ZNF431: variants seen among roughly 807,000 people sequenced by gnomAD.
The protein encoded by ZNF431 is zinc finger protein 431.
ZNF431 carries 34 observed loss-of-function variants against 57.0 expected under a neutral mutation model. The ratio of observed to expected loss-of-function variants is 0.60; its 90% confidence interval spans 0.45 to 0.79. The LOEUF is 0.79. ZNF431 is among the 30% of genes least tolerant of loss of function. The pLI, the probability that ZNF431 is intolerant of heterozygous loss-of-function variation, is 0.00. For missense variants in ZNF431, 607 were observed against 667.1 expected, an observed-to-expected ratio of 0.91 and a Z score of 0.99; for synonymous variants, 207 against 220.3, an observed-to-expected ratio of 0.94 and a Z score of 0.54.
intron 4 of ZNF431, among the ~76,000 whole-genome samples, chr19:21,170,308 A>G (rs1225376155): frequency 6.6e-6 from 1 of 152,172 alleles, no homozygotes; most frequent in Non-Finnish European, 1.5e-5. Context: ...TCATGAAGGC[A>G]TTTTTTGTCA....
At chr19:21,179,137 G>A (rs769737741) in intron 4 of ZNF431, among the ~76,000 whole-genome samples, 4 of 152,124 alleles carry the variant, frequency 2.6e-5, no homozygotes, top group Non-Finnish European at 5.9e-5. Context: ...TCTTCTAGAT[G>A]TTCCAGTTTA....
At position 21,186,883 on chromosome 19, in the gene ZNF431, G is replaced by T. The variant is rs973805753; in HGVS notation, c.*2849G>T. On this transcript the variant is annotated 3_prime_UTR_variant, in exon 5 of 5. Coordinates refer to ENST00000311048, the MANE Select transcript of ZNF431 (RefSeq NM_133473.4). The stretch of plus-strand genomic sequence containing the variant: ...CTTTTAAGAGGAGAACAATATATAG[G>T]TTTTCTTTAGTGATTTGTTCCTTTC... 2.6e-5 allele frequency: 4 copies of T among 152,018 alleles called. No individual in the cohort carries two copies. The highest frequency in any genetic ancestry group is 9.7e-5 in the African/African-American group (4 of 41,392). The allele number at this position is 152,018 out of a possible 1,614,324, so 9.4% of individuals were successfully genotyped here. A position where few individuals can be genotyped will look rare whatever the true frequency, so the allele number is the denominator to read the frequency against.
At chr19:21,164,193 C>CT (rs1418711011) in intron 2 of ZNF431, among the ~76,000 whole-genome samples, 2 of 151,834 alleles carry the variant, frequency 1.3e-5, no homozygotes, top group African/African-American at 4.8e-5. Flanking sequence ...TCATGTGACT[C>CT]TAAGCTGAGG....
intron 2 of ZNF431, among the ~76,000 whole-genome samples, chr19:21,163,274 C>T (rs1970626026): frequency 6.6e-6 from 1 of 152,164 alleles, no homozygotes; most frequent in South Asian, 2.1e-4. Flanking sequence ...CTTTAAAGAG[C>T]CAGCAAAGAA....
At chr19:21,158,096 C>G (rs182336662) in intron 2 of ZNF431, among the ~76,000 whole-genome samples, 245 of 152,234 alleles carry the variant, frequency 1.6e-3, no homozygotes, top group African/African-American at 5.5e-3. Context: ...ATACAAATAG[C>G]ATTAAATTGG....
rs369821323 is a variant in ZNF431, at chr19:21,189,613, T to C, written c.*5579T>C. 1.6e-5 allele frequency: 5 copies of C among 318,864 alleles called. No homozygotes were observed. In the East Asian group the frequency reaches 2.4e-4, roughly 15 times the overall value. 19.8% of individuals were successfully genotyped at this position (318,864 alleles called of 1,614,324 possible). Reference sequence around the variant, plus strand: ...TGTTGTGCAATAAATCTCTTGAACTTATTTCTTCCATTTGACTATAATTAT... The same window carrying C: ...TGTTGTGCAATAAATCTCTTGAACTCATTTCTTCCATTTGACTATAATTAT... On this transcript the variant is annotated 3_prime_UTR_variant, in exon 5 of 5. Coordinates refer to ENST00000311048, the MANE Select transcript of ZNF431 (RefSeq NM_133473.4).
chr19:21,183,038 A>G lies in ZNF431; in HGVS notation c.735A>G (p.Ser245=). 6.2e-7 allele frequency: 1 copy of G among 1,614,058 alleles called. No homozygotes were observed. Among genetic ancestry groups the G allele is most frequent in the Non-Finnish European group, 8.5e-7 (1 of 1,179,942 alleles). Residue 245 remains serine, a synonymous_variant, in exon 5 of 5, where the codon TCA becomes TCG. Coordinates refer to ENST00000311048, the MANE Select transcript of ZNF431 (RefSeq NM_133473.4). ...GTGGCAAAGCTTTTAAATGGTTCTC[A>G]ACCCTTACTAGACACAAGAGAATTC... The part of the protein sequence containing the change: ...EECGKAFKWF[S]TLTRHKRIHT...
Position 21,182,740 on chromosome 19 carries a change from A to G in ZNF431, c.437A>G (p.Lys146Arg). Residue 146 changes from lysine (K) to arginine (R), a missense_variant, in exon 5 of 5, where the codon AAA becomes AGA. Lys to Arg is a conservative substitution (Grantham distance 26). Coordinates refer to ENST00000311048, the MANE Select transcript of ZNF431 (RefSeq NM_133473.4). ...KCEHENLQLR[K>R]GSASVDEYKV... is the part of the protein sequence containing the mutation. ...GAACATGAGAATTTACAGTTAAGAA[A>G]AGGCTCCGCAAGTGTAGATGAGTAT... 1 of 1,613,950 alleles carries G rather than the reference A, an allele frequency of 6.2e-7. No homozygotes were observed. The highest frequency in any genetic ancestry group is 8.5e-7 in the Non-Finnish European group (1 of 1,179,878).
rs183597919 is a variant in ZNF431, at chr19:21,184,517, A to G, written c.*483A>G. On this transcript the variant is annotated 3_prime_UTR_variant, in exon 5 of 5. Transcript: ENST00000311048. ...AACGCCTCAAACTTTTCTAACCATAAAAGTAATTATACTGGTGAGAAATCC... is the reference window on the plus strand; with the variant it reads ...AACGCCTCAAACTTTTCTAACCATAGAAGTAATTATACTGGTGAGAAATCC... The G allele has an allele frequency of 6.5e-6, 1 of 154,580 alleles. No homozygotes were observed. The highest frequency in any genetic ancestry group is 1.4e-5 in the Non-Finnish European group (1 of 68,984). The allele number at this position is 154,580 out of a possible 1,614,324, so 9.6% of individuals were successfully genotyped here.
At chr19:21,162,719 G>GA in intron 2 of ZNF431, 1 of 985,390 alleles carries the variant, frequency 1.0e-6, no homozygotes, top group Non-Finnish European at 1.2e-6. Context: ...TGCCTTTCTA[G>GA]AGCTGGTGCT....
intron 2 of ZNF431, among the ~76,000 whole-genome samples, chr19:21,165,774 C>G (rs1259951304): frequency 6.6e-6 from 1 of 151,734 alleles, no homozygotes; most frequent in Admixed American, 6.6e-5. Context: ...ACTTTGTTTA[C>G]AAGCCAGAAA....
chr19:21,142,316 A>G, intron 1 of ZNF431, 130 bp downstream of exon 1: 1 of 1,332,440 alleles, frequency 7.5e-7, no homozygotes, highest in Non-Finnish European at 1.1e-6. Context: ...CTCCTTGCCC[A>G]GCTCGGCCTC....
intron 1 of ZNF431, among the ~76,000 whole-genome samples, 200 bp from the exon 2 acceptor site, chr19:21,143,351 G>A (rs1439254484): frequency 6.6e-6 from 1 of 152,030 alleles, no homozygotes; most frequent in Non-Finnish European, 1.5e-5. Context: ...TCTTCTCTAG[G>A]CACAGAGATC....
intron 2 of ZNF431, among the ~76,000 whole-genome samples, chr19:21,157,311 T>C (rs1011549749): frequency 6.6e-6 from 1 of 151,980 alleles, no homozygotes; most frequent in African/African-American, 2.4e-5. Context: ...CTAATTTTTG[T>C]ATTTTTAGTA....
In ZNF431 at chr19:21,190,114, A is replaced by C. The variant is rs1971476848; in HGVS notation, c.*6080A>C. On this transcript the variant is annotated 3_prime_UTR_variant, in exon 5 of 5. Transcript: ENST00000311048. ...AACCACAGATGCAGAGGTTGCAGTGAACTGAGATCATGCCACTGCACTCCA... is the reference window on the plus strand; with the variant it reads ...AACCACAGATGCAGAGGTTGCAGTGCACTGAGATCATGCCACTGCACTCCA... 5.3e-6 allele frequency: 2 copies of C among 374,084 alleles called. No individual in the cohort carries two copies. The highest frequency in any genetic ancestry group is 9.5e-6 in the Non-Finnish European group (2 of 211,328). The allele number at this position is 374,084 out of a possible 1,614,324, so 23.2% of individuals were successfully genotyped here. A position where few individuals can be genotyped will look rare whatever the true frequency, so the allele number is the denominator to read the frequency against.
At chr19:21,150,142 C>T (rs756841962) in intron 2 of ZNF431, 41 of 619,972 alleles carry the variant, frequency 6.6e-5, no homozygotes, top group Non-Finnish European at 1.0e-4. Context: ...CTGGTCTGTA[C>T]TTGTAGGCTA....
At chr19:21,156,959 T>C (rs1464818231) in intron 2 of ZNF431, among the ~76,000 whole-genome samples, 2 of 152,074 alleles carry the variant, frequency 1.3e-5, no homozygotes, top group Non-Finnish European at 2.9e-5. Flanking sequence ...TTCTATCTTT[T>C]GTAGAGATGA....
At chr19:21,154,986 T>C (rs1475072206) in intron 2 of ZNF431, among the ~76,000 whole-genome samples, 1 of 152,214 alleles carries the variant, frequency 6.6e-6, no homozygotes, top group Non-Finnish European at 1.5e-5. Context: ...TTCACTCTGA[T>C]GGTGGTTTCT....
intron 2 of ZNF431, chr19:21,150,199 C>A: frequency 1.8e-6 from 1 of 560,752 alleles, no homozygotes; most frequent in Non-Finnish European, 3.3e-6. Flanking sequence ...CCTGGGTGAA[C>A]TGGTTAATCA....
Sources: gnomAD v4.1 joint callset for allele counts (sites outside exome capture counted in the v4.1 genomes callset) on GRCh38, gnomAD v4.1.1 for gene constraint, MANE v1.5 for transcripts, NCBI Gene and HGNC (gene_info 2026-07-23, HGNC 2026-07-21) for gene names.